The following GMCL2 variants were observed in gnomAD, a reference collection of about 807,000 sequenced individuals.
GMCL2 encodes germ cell-less protein-like 2.
A neutral mutation model predicts 36.2 loss-of-function variants in GMCL2; 33 were observed. The ratio of observed to expected loss-of-function variants is 0.91; its 90% CI spans 0.69 to 1.22. GMCL2 has a LOEUF of 1.22. GMCL2 is among the 50% of genes most tolerant of loss of function. The pLI, the probability that GMCL2 is intolerant of heterozygous loss-of-function variation, is 0.00. For missense variants in GMCL2, 478 were observed against 514.5 expected (o/e 0.93, Z 0.69); for synonymous variants, 172 against 184.3 (o/e 0.93, Z 0.54).
Position 178,186,776 on chromosome 5 carries a change from A to C in GMCL2, c.524T>G (p.Leu175Trp), listed in dbSNP as rs1426537729. 1 of 1,608,792 alleles carries C rather than the reference A, an allele frequency of 6.2e-7. No homozygotes were observed. The highest frequency in any genetic ancestry group is 8.5e-7 in the Non-Finnish European group (1 of 1,175,144). The change falls in exon 1 of 1, where the codon TTG becomes TGG. Residue 175 changes from leucine to tryptophan, a missense_variant. By Grantham distance (61) the Leu-to-Trp change is moderately conservative (BLOSUM62 -2). Around this residue, in one of 5 missense-constraint regions of GMCL2, gnomAD observed 175 missense variants for 208.0 expected, o/e 0.84. Coordinates refer to ENST00000463439, the MANE Select transcript of GMCL2 (RefSeq NM_001358008.2). ...GGCAACAACTCGACTGGGTTTTATC[A>C]AGACATCATCTCGATACAGTGAACC... is the stretch of plus-strand genomic sequence containing the variant. ...AFGSLYRDDV[L>W]IKPSRVVAIL... is the part of the protein sequence containing the mutation.
In GMCL2 at chr5:178,184,912, A is replaced by G. The variant is rs9286053; in HGVS notation, c.*807T>C. ...TGTAAAGATCAGAGAATATTAAAAT[A>G]TTTAAAAGTATAATATCTGGTACAT... On this transcript the variant is annotated 3_prime_UTR_variant, in exon 1 of 1. Transcript: ENST00000463439. Among the ~76,000 whole-genome samples the G allele has an allele frequency of 0.93, 141,915 of 152,228 alleles. 66,428 individuals are homozygous for G. Among genetic ancestry groups the G allele is most frequent in the East Asian group, 1 (5,182 of 5,182 alleles).
the GMCL2 span, chr5:178,186,626 A>T: frequency 8.7e-7 from 1 of 1,153,486 alleles, no homozygotes; most frequent in East Asian, 2.3e-5. Context: ...TACAGAATCT[A>T]ATCCATAGAT....
rs7380658 is a variant in GMCL2 at position 178,185,033 on chromosome 5, G to T, written c.*686C>A. On this transcript the variant is annotated 3_prime_UTR_variant, in exon 1 of 1. Coordinates refer to ENST00000463439, the MANE Select transcript of GMCL2 (RefSeq NM_001358008.2). Reference sequence around the variant, plus strand: ...CCCTGGAATCAAACTGATTTTTCACGCATTCAAGATCATTTGAAGGTGTGA... The same window carrying T: ...CCCTGGAATCAAACTGATTTTTCACTCATTCAAGATCATTTGAAGGTGTGA... Among the ~76,000 whole-genome samples the T allele has an allele frequency of 0.79, 119,634 of 152,152 alleles. 48,506 individuals carry two copies. The highest frequency in any genetic ancestry group is 0.98 in the East Asian group (5,098 of 5,192).
the GMCL2 span, chr5:178,186,417 A>AAG: frequency 1.8e-4 from 284 of 1,611,844 alleles, no homozygotes; most frequent in Non-Finnish European, 2.3e-4. Flanking sequence ...AGCTGTTTTA[A>AAG]AGATCCATTC....
chr5:178,186,594 G>A lies in GMCL2; in HGVS notation c.706C>T (p.Leu236Phe), dbSNP rs1756702553. Residue 236 changes from leucine (L) to phenylalanine (F), a missense_variant, in exon 1 of 1, where the codon CTT becomes TTT. Physicochemically the swap from Leu to Phe is conservative, Grantham distance 22. Coordinates refer to ENST00000463439, the MANE Select transcript of GMCL2 (RefSeq NM_001358008.2). ...TGGTGAGTCATCAAATTGTTTAGAAGCCATTCAAGGCACTTTTTCTTTACA... is the reference window on the plus strand; with the variant it reads ...TGGTGAGTCATCAAATTGTTTAGAAACCATTCAAGGCACTTTTTCTTTACA... ...DSVKKKCLEW[L>F]LNNLMTHQNV... The A allele has an allele frequency of 1.7e-6, 2 of 1,202,904 alleles. No homozygotes were observed. The highest frequency in any genetic ancestry group is 2.5e-6 in the Non-Finnish European group (2 of 804,564). The allele number at this position is 1,202,904 out of a possible 1,614,324, so 74.5% of individuals were successfully genotyped here. A position where few individuals can be genotyped will look rare whatever the true frequency, so the allele number is the denominator to read the frequency against.
Position 178,187,077 on chromosome 5 carries a change from C to T in GMCL2, c.223G>A (p.Gly75Arg), listed in dbSNP as rs1463472215. The change falls in exon 1 of 1, where the codon GGG becomes AGG. Residue 75 changes from glycine (G) to arginine (R), a missense_variant. Physicochemically the swap from Gly to Arg is moderately radical, Grantham distance 125 (BLOSUM62 -2). Transcript: ENST00000463439. ...DSHREEHEEE[G>R]DKQQPLLNTP... ...TTGAGGAGCGGCTGCTGCTTGTCCC[C>T]CTCCTCCTCATGCTCCTCCCTGTGC... is the stretch of plus-strand genomic sequence containing the variant. 6.7e-6 allele frequency: 7 copies of T among 1,048,920 alleles called. No homozygotes were observed. Among genetic ancestry groups the T allele is most frequent in the Non-Finnish European group, 1.0e-5 (7 of 686,916 alleles). 65.0% of individuals were successfully genotyped at this position (1,048,920 alleles called of 1,614,324 possible). A position where few individuals can be genotyped will look rare whatever the true frequency, so the allele number is the denominator to read the frequency against.
At position 178,187,146 on chromosome 5, in the gene GMCL2, G is replaced by A. The variant is rs1433732848; in HGVS notation, c.154C>T (p.Arg52Cys). The A allele has an allele frequency of 3.6e-5, 42 of 1,164,494 alleles. No homozygotes were observed. The Admixed American group carries it at 7.9e-4, about 22-fold the overall frequency. 72.1% of individuals were successfully genotyped at this position (1,164,494 alleles called of 1,614,324 possible). A position where few individuals can be genotyped will look rare whatever the true frequency, so the allele number is the denominator to read the frequency against. ...GFCYCPGSHK[R>C]KRSSGACRYC... Reference sequence around the variant, plus strand: ...CGGCAGGCCCCGCTGCTCCGCTTGCGCTTGTGACTGCCCGGGCAGTAACAG... The same window carrying A: ...CGGCAGGCCCCGCTGCTCCGCTTGCACTTGTGACTGCCCGGGCAGTAACAG... Residue 52 changes from arginine to cysteine, a missense_variant, in exon 1 of 1, where the codon CGC becomes TGC. This residue lies in a region of GMCL2 where 127 missense variants were observed against 86.4 expected (regional missense o/e 1.47). Coordinates refer to ENST00000463439, the MANE Select transcript of GMCL2 (RefSeq NM_001358008.2).
chr5:178,186,458 T>C lies in GMCL2; in HGVS notation c.842A>G (p.Lys281Arg), dbSNP rs1448972716. The change falls in exon 1 of 1, where the codon AAG becomes AGG. Residue 281 changes from lysine (K) to arginine (R), a missense_variant. Around this residue, in one of 5 missense-constraint regions of GMCL2, gnomAD observed 175 missense variants for 208.0 expected, o/e 0.84. Coordinates refer to ENST00000463439, the MANE Select transcript of GMCL2 (RefSeq NM_001358008.2). Reference protein sequence around the residue: ...VEMDVYTTLKKWMFLQLVPSW... With the variant: ...VEMDVYTTLKRWMFLQLVPSW... ...AGGCACAAGTTGAAGGAACATCCAC[T>C]TTTTTAGAGTGGTGTATACATCCAT... 2 of 1,581,410 alleles carry C rather than the reference T, an allele frequency of 1.3e-6. No individual in the cohort carries two copies. Among genetic ancestry groups the C allele is most frequent in the African/African-American group, 2.7e-5 (2 of 74,326 alleles).
At position 178,185,767 on chromosome 5, in the gene GMCL2, T is replaced by C; in HGVS notation, c.1533A>G (p.Pro511=). 1 of 911,896 alleles carries C rather than the reference T, an allele frequency of 1.1e-6. No individual in the cohort carries two copies. The allele number at this position is 911,896 out of a possible 1,614,324, so 56.5% of individuals were successfully genotyped here. ...GACGATTATTTTCAATTCCTTTTTC[T>C]GGTGATATATACAAGAAGTTACAGC... ...YICCNFLYIS[P]EKGIENNRHP... The change falls in exon 1 of 1, where the codon CCA becomes CCG. Residue 511 remains proline (P), a synonymous_variant. Transcript: ENST00000463439.
chr5:178,187,262 C>T lies in GMCL2; in HGVS notation c.38G>A (p.Arg13Lys). The stretch of plus-strand genomic sequence containing the variant: ...CTGTTCCTGCTGGGCAAGGGCTCGC[C>T]TCGGCTGGCCCAGCACCCGGCTGCT... ...SSSSRVLGQP[R>K]RALAQQEQGA... is the part of the protein sequence containing the mutation. Residue 13 changes from arginine (R) to lysine (K), a missense_variant, in exon 1 of 1, where the codon AGG (arginine) becomes AAG (lysine). This residue lies in a region of GMCL2 where 127 missense variants were observed against 86.4 expected (regional missense o/e 1.47). Coordinates refer to ENST00000463439, the MANE Select transcript of GMCL2 (RefSeq NM_001358008.2). 1.0e-6 allele frequency: 1 copy of T among 965,586 alleles called. No individual in the cohort carries two copies. The allele number at this position is 965,586 out of a possible 1,614,324, so 59.8% of individuals were successfully genotyped here. A position where few individuals can be genotyped will look rare whatever the true frequency, so the allele number is the denominator to read the frequency against.
Position 178,187,140 on chromosome 5 carries a change from G to A in GMCL2, c.160C>T (p.Arg54Trp), listed in dbSNP as rs1466315327. The A allele has an allele frequency of 3.5e-6, 4 of 1,155,672 alleles. No individual in the cohort carries two copies. Among genetic ancestry groups the A allele is most frequent in the African/African-American group, 1.5e-5 (1 of 67,446 alleles). 71.6% of individuals were successfully genotyped at this position (1,155,672 alleles called of 1,614,324 possible). Residue 54 changes from arginine to tryptophan, a missense_variant, in exon 1 of 1, where the codon CGG becomes TGG. Arg to Trp is a moderately radical substitution (Grantham distance 101). This residue lies in a region of GMCL2 where 127 missense variants were observed against 86.4 expected (regional missense o/e 1.47). Coordinates refer to ENST00000463439, the MANE Select transcript of GMCL2 (RefSeq NM_001358008.2). The stretch of plus-strand genomic sequence containing the variant: ...CAGTAGCGGCAGGCCCCGCTGCTCC[G>A]CTTGCGCTTGTGACTGCCCGGGCAG... The part of the protein sequence containing the change: ...CYCPGSHKRK[R>W]SSGACRYCDP...
Position 178,186,616 on chromosome 5 carries a change from T to G in GMCL2, c.684A>C (p.Val228=). 8.5e-7 allele frequency: 1 copy of G among 1,178,238 alleles called. No homozygotes were observed. Among genetic ancestry groups the G allele is most frequent in the South Asian group, 1.2e-5 (1 of 82,214 alleles). The allele number at this position is 1,178,238 out of a possible 1,614,324, so 73.0% of individuals were successfully genotyped here. ...TSVEIYGLDS[V]KKKCLEWLLN... ...GAAGCCATTCAAGGCACTTTTTCTT[T>G]ACAGAATCTAATCCATAGATCTCTA... is the stretch of plus-strand genomic sequence containing the variant. Residue 228 remains valine, a synonymous_variant, in exon 1 of 1, where the codon GTA becomes GTC. Coordinates refer to ENST00000463439, the MANE Select transcript of GMCL2 (RefSeq NM_001358008.2).
Position 178,185,102 on chromosome 5 carries a change from T to TA in GMCL2, c.*616dup, listed in dbSNP as rs1348580976. On this transcript the variant is annotated 3_prime_UTR_variant, in exon 1 of 1. Coordinates refer to ENST00000463439, the MANE Select transcript of GMCL2 (RefSeq NM_001358008.2). Reference sequence around the variant, plus strand: ...TTAAAATCCTAGGAAAGCCAAATTTTAAAAAATAGCATATGACAATGCTTA... The same window carrying TA: ...TTAAAATCCTAGGAAAGCCAAATTTTAAAAAAATAGCATATGACAATGCTTA... Among the ~76,000 whole-genome samples the TA allele has an allele frequency of 1.3e-5, 2 of 152,272 alleles. No homozygotes were observed. The highest frequency in any genetic ancestry group is 4.8e-5 in the African/African-American group (2 of 41,556).
rs9647596 is a variant in GMCL2 at position 178,184,666 on chromosome 5, A to G, written c.*1053T>C. Among the ~76,000 whole-genome samples, 59,354 of 151,944 alleles carry G rather than the reference A, an allele frequency of 0.39. 13,481 individuals are homozygous for G. The highest frequency in any genetic ancestry group is 0.51 in the Non-Finnish European group (34,292 of 67,874). ...ACAGCAGTAAACACAAAAGGTCAAC[A>G]TATATAAATCATGACAAGTGTACAT... On this transcript the variant is annotated 3_prime_UTR_variant, in exon 1 of 1. Coordinates refer to ENST00000463439, the MANE Select transcript of GMCL2 (RefSeq NM_001358008.2).
rs537081607 is a variant in GMCL2, at chr5:178,186,471, T to C, written c.829A>G (p.Thr277Ala). The change falls in exon 1 of 1, where the codon ACC (threonine) becomes GCC (alanine). Residue 277 changes from threonine (T) to alanine (A), a missense_variant. Thr to Ala is a moderately conservative substitution (Grantham distance 58). Around this residue, in one of 5 missense-constraint regions of GMCL2, gnomAD observed 175 missense variants for 208.0 expected, o/e 0.84. Coordinates refer to ENST00000463439, the MANE Select transcript of GMCL2 (RefSeq NM_001358008.2). ...AGGAACATCCACTTTTTTAGAGTGG[T>C]GTATACATCCATCTCCACTTGCATC... The part of the protein sequence containing the change: ...FVMQVEMDVY[T>A]TLKKWMFLQL... 5 of 1,509,260 alleles carry C rather than the reference T, an allele frequency of 3.3e-6. No homozygotes were observed. The highest frequency in any genetic ancestry group is 4.6e-6 in the Non-Finnish European group (5 of 1,084,378). 93.5% of individuals were successfully genotyped at this position (1,509,260 alleles called of 1,614,324 possible). A position where few individuals can be genotyped will look rare whatever the true frequency, so the allele number is the denominator to read the frequency against.
the GMCL2 span, chr5:178,186,549 CT>C: frequency 7.7e-7 from 1 of 1,299,116 alleles, no homozygotes; most frequent in Non-Finnish European, 1.1e-6. Flanking sequence ...ATACCGAGTT[CT>C]TTAAAAAGTT....
At chr5:178,186,876 C>A in the GMCL2 span, 4 of 1,610,664 alleles carry the variant, frequency 2.5e-6, no homozygotes, top group Non-Finnish European at 3.4e-6. Flanking sequence ...ATGCTGGATT[C>A]TTTCCAAGAA....
Position 178,184,857 on chromosome 5 carries a change from A to G in GMCL2, c.*862T>C, listed in dbSNP as rs1213800659. ...GTCCTGAGCTTAAGTAGGAAACAAAACTCCCAACTAAAATTTGAACATAAA... is the reference window on the plus strand; with the variant it reads ...GTCCTGAGCTTAAGTAGGAAACAAAGCTCCCAACTAAAATTTGAACATAAA... On this transcript the variant is annotated 3_prime_UTR_variant, in exon 1 of 1. Transcript: ENST00000463439. Among the ~76,000 whole-genome samples, 1 of 152,178 alleles carries G rather than the reference A, an allele frequency of 6.6e-6. No individual in the cohort carries two copies. The highest frequency in any genetic ancestry group is 2.4e-5 in the African/African-American group (1 of 41,444).
chr5:178,186,796 T>C lies in GMCL2; in HGVS notation c.504A>G (p.Ser168=), dbSNP rs940712456. The change falls in exon 1 of 1, where the codon TCA becomes TCG. Residue 168 remains serine (S), a synonymous_variant. Coordinates refer to ENST00000463439, the MANE Select transcript of GMCL2 (RefSeq NM_001358008.2). ...DVDALQVAFG[S]LYRDDVLIKP... Reference sequence around the variant, plus strand: ...TTATCAAGACATCATCTCGATACAGTGAACCAAACGCAACCTGCAGTGCGT... The same window carrying C: ...TTATCAAGACATCATCTCGATACAGCGAACCAAACGCAACCTGCAGTGCGT... 6.2e-7 allele frequency: 1 copy of C among 1,610,506 alleles called. No individual in the cohort carries two copies. Among genetic ancestry groups the C allele is most frequent in the Non-Finnish European group, 8.5e-7 (1 of 1,176,692 alleles).
Sources: gnomAD v4.1 joint callset for allele counts (sites outside exome capture counted in the v4.1 genomes callset) on GRCh38, gnomAD v4.1.1 for gene constraint, gnomAD v4.1.1 regional missense constraint, MANE v1.5 for transcripts, NCBI Gene and HGNC (gene_info 2026-07-23, HGNC 2026-07-21) for gene names.